The following TMEM168 variants were observed in gnomAD, a reference collection of about 807,000 sequenced individuals.
The protein encoded by TMEM168 is transmembrane protein 168.
Under a neutral mutation model 53.2 loss-of-function variants are expected in TMEM168, and 40 were observed. That is an observed-to-expected ratio of 0.75 (90% CI 0.58 to 0.98). The LOEUF is 0.98. Ranked by LOEUF, TMEM168 falls within the 50% of genes least tolerant of loss-of-function variation. The pLI, the probability that TMEM168 is intolerant of heterozygous loss-of-function variation, is 0.00. For synonymous variants in TMEM168, 282 were observed against 293.0 expected, an observed-to-expected ratio of 0.96 and a Z score of 0.38; for missense variants, 771 against 828.8, an observed-to-expected ratio of 0.93 and a Z score of 0.86.
intron 1 of TMEM168, among the ~76,000 whole-genome samples, chr7:112,785,534 A>T (rs1306191493): frequency 6.6e-6 from 1 of 152,252 alleles, no homozygotes; most frequent in Non-Finnish European, 1.5e-5. Context: ...AAGTTGAGCC[A>T]TAATTCTCCC....
chr7:112,787,207 A>G (rs1438354864), intron 1 of TMEM168, among the ~76,000 whole-genome samples: 3 of 152,194 alleles, frequency 2.0e-5, no homozygotes, highest in Non-Finnish European at 4.4e-5. Context: ...ATGAAGCTCA[A>G]TCTCGTGTCC....
chr7:112,764,508 C>G lies in TMEM168; in HGVS notation c.*2689G>C, dbSNP rs1284375024. 7.1e-6 allele frequency: 1 copy of G among 141,630 alleles called. No individual in the cohort carries two copies. The highest frequency in any genetic ancestry group is 7.0e-5 in the Admixed American group (1 of 14,346). 8.8% of individuals were successfully genotyped at this position (141,630 alleles called of 1,614,324 possible). On this transcript the variant is annotated 3_prime_UTR_variant, in exon 5 of 5. Coordinates refer to ENST00000312814, the MANE Select transcript of TMEM168 (RefSeq NM_022484.6). ...CCCTTATTATTTTTTTTGTTTGTTT[C>G]TTTTTTTTTTTGAGATGGAGTCTCT...
At chr7:112,774,419 A>G (rs1478214864) in intron 3 of TMEM168, among the ~76,000 whole-genome samples, 2 of 147,868 alleles carry the variant, frequency 1.4e-5, no homozygotes, top group Non-Finnish European at 3.0e-5. Flanking sequence ...GATGAACAGA[A>G]GAGTTATCAC....
intron 1 of TMEM168, among the ~76,000 whole-genome samples, chr7:112,786,485 C>G (rs565159151): frequency 1.2e-4 from 19 of 152,092 alleles, no homozygotes; most frequent in African/African-American, 4.6e-4. Context: ...CATCTTTATT[C>G]ACTCATGTCT....
chr7:112,772,787 G>A lies in TMEM168; in HGVS notation c.1540C>T (p.Leu514=), dbSNP rs151117601. 3.0e-4 allele frequency: 491 copies of A among 1,610,800 alleles called. No homozygotes were observed. Among genetic ancestry groups the A allele is most frequent in the Non-Finnish European group, 3.9e-4 (461 of 1,177,370 alleles). ...CTGCCAAAGGTGAGTTTACCTGCTA[G>A]AGCCCACTCTCCTGTACCATGGGTG... ...GHTHGTGEWA[L]AGGDTLRLDT... The change falls in exon 4 of 5, where the codon CTA becomes TTA. Residue 514 remains leucine, a synonymous_variant. Transcript: ENST00000312814.
At position 112,764,803 on chromosome 7, in the gene TMEM168, T is replaced by G. The variant is rs1222542513; in HGVS notation, c.*2394A>C. 1 of 124,484 alleles carries G rather than the reference T, an allele frequency of 8.0e-6. No individual in the cohort carries two copies. Among genetic ancestry groups the G allele is most frequent in the East Asian group, 2.1e-4 (1 of 4,768 alleles). The allele number at this position is 124,484 out of a possible 1,614,324, so 7.7% of individuals were successfully genotyped here. On this transcript the variant is annotated 3_prime_UTR_variant, in exon 5 of 5. Transcript: ENST00000312814. ...ATGAGCCACCATGCCTGGCTAAACA[T>G]GTACTTTTTTTTTTTTTTGAGACAA... is the stretch of plus-strand genomic sequence containing the variant.
In TMEM168 at chr7:112,785,638, C is replaced by A. The variant is rs181306700; in HGVS notation, c.-128-685G>T. ...TAGCAAACCAATTCCTGACAAATTCCGAGTCAAAAATGAAAAACTGAAATG... is the reference window on the plus strand; with the variant it reads ...TAGCAAACCAATTCCTGACAAATTCAGAGTCAAAAATGAAAAACTGAAATG... On this transcript the variant is annotated intron_variant, in intron 1 of 4. Transcript: ENST00000312814. Among the ~76,000 whole-genome samples the A allele has an allele frequency of 2.8e-4, 43 of 152,142 alleles. No individual in the cohort carries two copies. The East Asian group carries it at 3.1e-3, about 11-fold the overall frequency.
At position 112,784,713 on chromosome 7, in the gene TMEM168, T is replaced by G. The variant is rs200392160; in HGVS notation, c.113A>C (p.Tyr38Ser). The change falls in exon 2 of 5, where the codon TAT (tyrosine) becomes TCT (serine). Residue 38 changes from tyrosine to serine, a missense_variant. Transcript: ENST00000312814. ...AACCAATAAATTGATTCTGGCTAAATAGCCAAGATACCGCACTGAAGAATG... is the reference window on the plus strand; with the variant it reads ...AACCAATAAATTGATTCTGGCTAAAGAGCCAAGATACCGCACTGAAGAATG... ...NMHSSVRYLG[Y>S]LARINLLVAI... The G allele has an allele frequency of 1.2e-6, 2 of 1,614,034 alleles. No homozygotes were observed. Among genetic ancestry groups the G allele is most frequent in the Non-Finnish European group, 1.7e-6 (2 of 1,179,982 alleles).
intron 2 of TMEM168, among the ~76,000 whole-genome samples, chr7:112,777,904 G>C (rs956134677): frequency 8.3e-5 from 6 of 71,986 alleles, no homozygotes; most frequent in African/African-American, 3.6e-4. Context: ...GTGTGTGTGT[G>C]TGTGTGTGTG....
intron 1 of TMEM168, among the ~76,000 whole-genome samples, chr7:112,787,911 T>C (rs1033926131): frequency 6.6e-6 from 1 of 151,516 alleles, no homozygotes; most frequent in African/African-American, 2.4e-5. Context: ...TTTGTATTTT[T>C]AGTAGAGATG....
intron 3 of TMEM168, among the ~76,000 whole-genome samples, chr7:112,774,150 T>C (rs1334093663): frequency 1.3e-5 from 2 of 152,178 alleles, no homozygotes; most frequent in African/African-American, 4.8e-5. Context: ...TCAGAATTCA[T>C]TTATGGCAAA....
At chr7:112,774,384 T>C (rs554313888) in intron 3 of TMEM168, among the ~76,000 whole-genome samples, 1 of 149,808 alleles carries the variant, frequency 6.7e-6, no homozygotes, top group East Asian at 1.9e-4. Flanking sequence ...TTTTTTTTTT[T>C]TAGTGCTTCA....
In TMEM168 at chr7:112,764,421, T is replaced by C. The variant is rs1261158721; in HGVS notation, c.*2776A>G. ...AATTAGTCTCATTGTCAGATCTATT[T>C]TTCAATCTTTAGGTGAAAGTAACCA... On this transcript the variant is annotated 3_prime_UTR_variant, in exon 5 of 5. Coordinates refer to ENST00000312814, the MANE Select transcript of TMEM168 (RefSeq NM_022484.6). 1 of 152,040 alleles carries C rather than the reference T, an allele frequency of 6.6e-6. No homozygotes were observed. Among genetic ancestry groups the C allele is most frequent in the Non-Finnish European group, 1.5e-5 (1 of 68,010 alleles). The allele number at this position is 152,040 out of a possible 1,614,324, so 9.4% of individuals were successfully genotyped here.
At position 112,784,475 on chromosome 7, in the gene TMEM168, A is replaced by G. The variant is rs1363075353; in HGVS notation, c.351T>C (p.Asp117=). ...AATATTTGGTTGATTCTTCTTTTACATCATTTTTAAAGGATGAATTATCAA... is the reference window on the plus strand; with the variant it reads ...AATATTTGGTTGATTCTTCTTTTACGTCATTTTTAAAGGATGAATTATCAA... ...CFLDNSSFKN[D]VKEESTKYLL... The change falls in exon 2 of 5, where the codon GAT becomes GAC. Residue 117 remains aspartate (D), a synonymous_variant. Transcript: ENST00000312814. 1.2e-6 allele frequency: 2 copies of G among 1,614,104 alleles called. No individual in the cohort carries two copies. Among genetic ancestry groups the G allele is most frequent in the Non-Finnish European group, 1.7e-6 (2 of 1,179,992 alleles).
intron 2 of TMEM168, among the ~76,000 whole-genome samples, chr7:112,780,043 G>C (rs1793187440): frequency 6.6e-6 from 1 of 152,152 alleles, no homozygotes; most frequent in Non-Finnish European, 1.5e-5. Flanking sequence ...GCTTGTTTCA[G>C]GAAATTTAAG....
intron 2 of TMEM168, among the ~76,000 whole-genome samples, chr7:112,781,275 ATATT>A (rs1793225280): frequency 6.6e-6 from 1 of 152,190 alleles, no homozygotes; most frequent in South Asian, 2.1e-4. Context: ...AATCTAGCTG[ATATT>A]TATAGTACAC....
chr7:112,788,526 A>G (rs915676068), intron 1 of TMEM168: 1 of 152,214 alleles, frequency 6.6e-6, no homozygotes, highest in Admixed American at 6.5e-5. Context: ...CCCCATTCTG[A>G]TCTTCTTCAA....
At chr7:112,778,274 T>C (rs1793142047) in intron 2 of TMEM168, 1 of 152,226 alleles carries the variant, frequency 6.6e-6, no homozygotes, top group African/African-American at 2.4e-5. Context: ...TTTGCCACTC[T>C]TGAGGGGACC....
intron 2 of TMEM168, among the ~76,000 whole-genome samples, chr7:112,775,841 T>C (rs1018496784): frequency 6.6e-6 from 1 of 152,140 alleles, no homozygotes; most frequent in African/African-American, 2.4e-5. Flanking sequence ...TTATATGGTA[T>C]AGTTTACCTT....
Sources: gnomAD v4.1 joint callset for allele counts (sites outside exome capture counted in the v4.1 genomes callset) on GRCh38, gnomAD v4.1.1 for gene constraint, MANE v1.5 for transcripts, NCBI Gene and HGNC (gene_info 2026-07-23, HGNC 2026-07-21) for gene names.